TBC1D9B: variants seen among roughly 807,000 people sequenced by gnomAD.
TBC1D9B encodes TBC1 domain family, member 9B (with GRAM domain).
Under a neutral mutation model 121.1 loss-of-function variants are expected in TBC1D9B, and 87 were observed. The observed-to-expected ratio is 0.72, with a 90% confidence interval of 0.60 to 0.86. TBC1D9B has a LOEUF of 0.86. TBC1D9B is among the 40% of genes least tolerant of loss of function. The pLI, the probability that TBC1D9B is intolerant of heterozygous loss-of-function variation, is 0.00. For synonymous variants in TBC1D9B, 668 were observed against 670.1 expected, an observed-to-expected ratio of 1.00 and a Z score of 0.05; for missense variants, 1,540 against 1,628.6, an observed-to-expected ratio of 0.95 and a Z score of 0.94.
rs376440134 is a variant in TBC1D9B, at chr5:179,893,240, G to C, written c.805C>G (p.Arg269Gly). 2.5e-6 allele frequency: 4 copies of C among 1,612,392 alleles called. No individual in the cohort carries two copies. The African/African-American group carries it at 4.0e-5, about 16-fold the overall frequency. The stretch of plus-strand genomic sequence containing the variant: ...AGGGCTGAGATGTTCCTGTGTGGCC[G>C]GATGGGCCTAGGCAGGGCCTTGTCC... ...LEDKALPRPI[R>G]PHRNISALKR... Residue 269 changes from arginine to glycine, a missense_variant, in exon 5 of 21, where the codon CGG (arginine) becomes GGG (glycine). Transcript: ENST00000355235.
intron 7 of TBC1D9B, 72 bp downstream of exon 7, chr5:179,888,031 C>T (rs1339158036): frequency 2.3e-5 from 36 of 1,571,908 alleles, no homozygotes; most frequent in East Asian, 1.3e-4. Flanking sequence ...CAGGCTCCAG[C>T]GGGGAGGCTG....
intron 5 of TBC1D9B, among the ~76,000 whole-genome samples, chr5:179,892,665 C>T (rs1265304410): frequency 6.6e-6 from 1 of 152,244 alleles, no homozygotes; most frequent in Non-Finnish European, 1.5e-5. Flanking sequence ...CAGAGGTCTG[C>T]TTCCACGTCA....
chr5:179,889,992 G>A (rs1760814925), intron 6 of TBC1D9B, among the ~76,000 whole-genome samples: 1 of 152,092 alleles, frequency 6.6e-6, no homozygotes, highest in Non-Finnish European at 1.5e-5. Context: ...GCTCTGCGGG[G>A]TGAGCTGGCA....
In TBC1D9B at chr5:179,894,499, T is replaced by C; in HGVS notation, c.464A>G (p.Lys155Arg). 6.2e-7 allele frequency: 1 copy of C among 1,614,192 alleles called. No homozygotes were observed. Among genetic ancestry groups the C allele is most frequent in the Non-Finnish European group, 8.5e-7 (1 of 1,180,018 alleles). Residue 155 changes from lysine (K) to arginine (R), a missense_variant, in exon 4 of 21, where the codon AAG (lysine) becomes AGG (arginine). By Grantham distance (26) the Lys-to-Arg change is conservative. Coordinates refer to ENST00000355235, the MANE Select transcript of TBC1D9B (RefSeq NM_015043.4). ...RKQFGMPEGE[K>R]LVNYYSCSYW... ...GCTGCAGGAGTAGTAATTCACCAGC[T>C]TCTCGCCCTCAGGCATCCCAAACTG...
intron 8 of TBC1D9B, 94 bp downstream of exon 8, chr5:179,879,534 C>G: frequency 6.3e-7 from 1 of 1,593,542 alleles, no homozygotes; most frequent in African/African-American, 1.3e-5. Flanking sequence ...AGCCCAGGGC[C>G]CTGAGGGAAG....
intron 7 of TBC1D9B, 107 bp downstream of exon 7, chr5:179,887,996 A>G (rs1760740784): frequency 7.2e-7 from 1 of 1,388,906 alleles, no homozygotes; most frequent in Admixed American, 1.8e-5. Flanking sequence ...CCCTAGGCGG[A>G]GGCCCACAGC....
intron 18 of TBC1D9B, chr5:179,867,395 G>A (rs1462958295): frequency 1.3e-6 from 2 of 1,521,052 alleles, no homozygotes; most frequent in Non-Finnish European, 1.8e-6. Flanking sequence ...TGATAGTGCA[G>A]GAAGAGTGTT....
intron 14 of TBC1D9B, 46 bp downstream of exon 14, chr5:179,872,846 C>A: frequency 6.5e-7 from 1 of 1,548,560 alleles, no homozygotes; most frequent in South Asian, 1.1e-5. Flanking sequence ...GAAGGCACTG[C>A]TGCCCCCCCA....
At chr5:179,878,884 G>A (rs778129351) in intron 9 of TBC1D9B, among the ~76,000 whole-genome samples, 163 bp downstream of exon 9, 56 of 143,810 alleles carry the variant, frequency 3.9e-4, no homozygotes, top group Non-Finnish European at 6.2e-4. Flanking sequence ...GTTGGGTCCC[G>A]GGCCAGAGCC....
chr5:179,889,176 C>T (rs1055638073), intron 6 of TBC1D9B, among the ~76,000 whole-genome samples: 1 of 152,040 alleles, frequency 6.6e-6, no homozygotes, highest in African/African-American at 2.4e-5. Flanking sequence ...ACCACAGGTG[C>T]CCACCACCAC....
chr5:179,892,968 TA>T (rs753439614), intron 5 of TBC1D9B, among the ~76,000 whole-genome samples: 3 of 152,208 alleles, frequency 2.0e-5, no homozygotes, highest in Non-Finnish European at 4.4e-5. Context: ...CCAAGAGGAA[TA>T]AAGTGTGAAG....
rs1331021827 is a variant in TBC1D9B at position 179,902,124 on chromosome 5, C to T, written c.229+2578G>A. On this transcript the variant is annotated intron_variant, in intron 2 of 20. Coordinates refer to ENST00000355235, the MANE Select transcript of TBC1D9B (RefSeq NM_015043.4). This position sits in a 1 kb window ranked among gnomAD's most constrained non-coding sequence, Gnocchi z 4.9. ...GCCTGCCCTCACCCTCGGAAGCTCC[C>T]GGCCTCATGGGCTTCCACGTAAAAG... is the stretch of plus-strand genomic sequence containing the variant. Among the ~76,000 whole-genome samples the T allele has an allele frequency of 1.3e-5, 2 of 152,252 alleles. No individual in the cohort carries two copies. The highest frequency in any genetic ancestry group is 4.8e-5 in the African/African-American group (2 of 41,468).
chr5:179,897,128 C>T (rs754952815), intron 3 of TBC1D9B, among the ~76,000 whole-genome samples: 59 of 151,856 alleles, frequency 3.9e-4, no homozygotes, highest in Non-Finnish European at 7.4e-4. Flanking sequence ...AGGATGGTCT[C>T]GATCTCCTGA....
chr5:179,887,220 G>A (rs543947276), intron 7 of TBC1D9B, among the ~76,000 whole-genome samples: 6 of 152,352 alleles, frequency 3.9e-5, no homozygotes, highest in East Asian at 3.9e-4. Context: ...GCCACTGGCC[G>A]CTGGATCCAG....
At chr5:179,883,845 C>T (rs538940115) in intron 7 of TBC1D9B, among the ~76,000 whole-genome samples, 44 of 152,246 alleles carry the variant, frequency 2.9e-4, no homozygotes, top group African/African-American at 8.2e-4. Context: ...GTTCTACGTA[C>T]GGGCAGTTGT....
chr5:179,891,283 C>G lies in TBC1D9B; in HGVS notation c.1044+96G>C. ...GCTAGGGCATCCTCCCAGGTACCCCCCAGTGAGACAGGGCAGAGCAGGACA... is the reference window on the plus strand; with the variant it reads ...GCTAGGGCATCCTCCCAGGTACCCCGCAGTGAGACAGGGCAGAGCAGGACA... On this transcript the variant is annotated intron_variant, in intron 6 of 20. Coordinates refer to ENST00000355235, the MANE Select transcript of TBC1D9B (RefSeq NM_015043.4). The surrounding 1 kb of genome is among the most constrained non-coding windows in gnomAD (Gnocchi z 4.3). 3.5e-6 allele frequency: 5 copies of G among 1,418,270 alleles called. No individual in the cohort carries two copies. The highest frequency in any genetic ancestry group is 4.9e-6 in the Non-Finnish European group (5 of 1,017,696). The allele number at this position is 1,418,270 out of a possible 1,614,324, so 87.9% of individuals were successfully genotyped here.
At chr5:179,872,481 A>T (rs914253592) in intron 14 of TBC1D9B, 14 of 202,122 alleles carry the variant, frequency 6.9e-5, no homozygotes, top group Admixed American at 1.1e-4. Context: ...ACAGGGTGGC[A>T]GGGAGGGCCT....
chr5:179,872,586 A>G, intron 14 of TBC1D9B: 1 of 404,264 alleles, frequency 2.5e-6, no homozygotes, highest in Non-Finnish European at 4.5e-6. Context: ...GGAGTGGGGC[A>G]GGGAACACAT....
Position 179,874,772 on chromosome 5 carries a change from A to T in TBC1D9B, c.2186+130T>A, listed in dbSNP as rs1289644794. 1.6e-5 allele frequency: 22 copies of T among 1,359,938 alleles called. No homozygotes were observed. The highest frequency in any genetic ancestry group is 2.1e-5 in the Non-Finnish European group (21 of 1,013,972). 84.2% of individuals were successfully genotyped at this position (1,359,938 alleles called of 1,614,324 possible). On this transcript the variant is annotated intron_variant, in intron 12 of 20. Coordinates refer to ENST00000355235, the MANE Select transcript of TBC1D9B (RefSeq NM_015043.4). This position sits in a 1 kb window ranked among gnomAD's most constrained non-coding sequence, Gnocchi z 4.3. ...GAAAGGAGCCGCCTCCTGACCCCAG[A>T]GCACCCCCGGGTCCAGCTGCAGCCT... is the stretch of plus-strand genomic sequence containing the variant.
Sources: gnomAD v4.1 joint callset for allele counts (sites outside exome capture counted in the v4.1 genomes callset) on GRCh38, gnomAD v4.1.1 for gene constraint, Gnocchi (gnomAD v3.1) non-coding constraint, MANE v1.5 for transcripts, NCBI Gene and HGNC (gene_info 2026-07-23, HGNC 2026-07-21) for gene names.